The following AKR1C1 variants were observed in gnomAD, a reference collection of about 807,000 sequenced individuals.
AKR1C1 encodes 20 alpha-hydroxysteroid dehydrogenase.
Under a neutral mutation model 40.6 loss-of-function variants are expected in AKR1C1, and 32 were observed. That is an observed-to-expected ratio of 0.79 (90% CI 0.60 to 1.06). The LOEUF is 1.06. Ranked by LOEUF, AKR1C1 falls within the 50% of genes least tolerant of loss-of-function variation. The pLI is 0.00. For synonymous variants in AKR1C1, 105 were observed against 134.2 expected (o/e 0.78, Z 1.50); for missense variants, 320 against 363.5 (o/e 0.88, Z 0.97).
rs1335791050 is a variant in AKR1C1 at position 4,978,041 on chromosome 10, G to A, written c.*299G>A. The A allele has an allele frequency of 2.2e-5, 9 of 403,306 alleles. No homozygotes were observed. The highest frequency in any genetic ancestry group is 7.1e-5 in the South Asian group (2 of 28,160). The allele number at this position is 403,306 out of a possible 1,614,324, so 25.0% of individuals were successfully genotyped here. A position where few individuals can be genotyped will look rare whatever the true frequency, so the allele number is the denominator to read the frequency against. On this transcript the variant is annotated 3_prime_UTR_variant, in exon 9 of 9. Coordinates refer to ENST00000380872, the MANE Select transcript of AKR1C1 (RefSeq NM_001353.6). Reference sequence around the variant, plus strand: ...CCCCTAAATTGTGATTTGCCTATACGTTTAGGGCCGGGGTTGGAAGATGTT... The same window carrying A: ...CCCCTAAATTGTGATTTGCCTATACATTTAGGGCCGGGGTTGGAAGATGTT...
rs73602918 is a variant in AKR1C1, at chr10:4,982,862, G to A, written c.*5120G>A. 0.15 allele frequency: 62,164 copies of A among 411,660 alleles called. 5,777 individuals carry two copies. The highest frequency in any genetic ancestry group is 0.19 in the Non-Finnish European group (39,570 of 205,542). 25.5% of individuals were successfully genotyped at this position (411,660 alleles called of 1,614,324 possible). A position where few individuals can be genotyped will look rare whatever the true frequency, so the allele number is the denominator to read the frequency against. ...AGAAAATGCCTGCATGAGCTCAGCTGTTACCACTGCGTACCACACCCTGAC... is the reference window on the plus strand; with the variant it reads ...AGAAAATGCCTGCATGAGCTCAGCTATTACCACTGCGTACCACACCCTGAC... On this transcript the variant is annotated 3_prime_UTR_variant, in exon 9 of 9. Transcript: ENST00000380872.
At position 4,977,661 on chromosome 10, in the gene AKR1C1, AT is replaced by A. The variant is rs35578180; in HGVS notation, c.930-37del. 2.8e-3 allele frequency: 4,542 copies of A among 1,612,492 alleles called. 109 individuals carry two copies. The African/African-American group carries it at 0.054, about 19-fold the overall frequency. On this transcript the variant is annotated intron_variant, in intron 8 of 8. Transcript: ENST00000380872. The stretch of plus-strand genomic sequence containing the variant: ...TGCACTACCCGCTAGTAACGGAGTC[AT>A]TGCCATTCAGAGTGTGCATTTTTTT...
At chr10:4,968,528 A>T (rs1461998303) in intron 4 of AKR1C1, 142 bp downstream of exon 4, 5 of 1,539,752 alleles carry the variant, frequency 3.2e-6, no homozygotes, top group Middle Eastern at 1.7e-4. Context: ...GTGAGCAGTG[A>T]GGAAAAAGAA....
chr10:4,969,604 TG>T, intron 5 of AKR1C1: 1 of 1,565,508 alleles, frequency 6.4e-7, no homozygotes, highest in East Asian at 2.3e-5. Flanking sequence ...CCTAGTTGGC[TG>T]CTCTTCTTTG....
intron 6 of AKR1C1, 122 bp downstream of exon 6, chr10:4,972,432 C>A (rs1268442902): frequency 7.2e-7 from 1 of 1,379,630 alleles, no homozygotes; most frequent in African/African-American, 1.5e-5. Context: ...ATTTGCATTT[C>A]TGACGAGATC....
rs1222061999 is a variant in AKR1C1, at chr10:4,980,909, C to T, written c.*3167C>T. ...ATTTTCTTTTCCCAGGTTCTTCAGA[C>T]AAGTCACCATGGTAGCTGTAGACTT... On this transcript the variant is annotated 3_prime_UTR_variant, in exon 9 of 9. Coordinates refer to ENST00000380872, the MANE Select transcript of AKR1C1 (RefSeq NM_001353.6). The T allele has an allele frequency of 1.3e-5, 2 of 152,208 alleles. No homozygotes were observed. The highest frequency in any genetic ancestry group is 4.8e-5 in the African/African-American group (2 of 41,456). 9.4% of individuals were successfully genotyped at this position (152,208 alleles called of 1,614,324 possible).
chr10:4,977,894 G>T lies in AKR1C1; in HGVS notation c.*152G>T. 1 of 1,159,112 alleles carries T rather than the reference G, an allele frequency of 8.6e-7. No individual in the cohort carries two copies. Among genetic ancestry groups the T allele is most frequent in the Non-Finnish European group, 1.2e-6 (1 of 825,456 alleles). 71.8% of individuals were successfully genotyped at this position (1,159,112 alleles called of 1,614,324 possible). A position where few individuals can be genotyped will look rare whatever the true frequency, so the allele number is the denominator to read the frequency against. ...AAGCTACAGCAAAGCCCATTGGCCA[G>T]AAAGGAAAGACAATAATTTTGTTTT... On this transcript the variant is annotated 3_prime_UTR_variant, in exon 9 of 9. Transcript: ENST00000380872.
chr10:4,967,484 A>G (rs1836351076), intron 3 of AKR1C1: 2 of 987,836 alleles, frequency 2.0e-6, no homozygotes, highest in Non-Finnish European at 2.4e-6. Flanking sequence ...CTTAAACTAC[A>G]GACCTTCATG....
rs1836646349 is a variant in AKR1C1, at chr10:4,983,141, A to G, written c.*5399A>G. 3.8e-6 allele frequency: 1 copy of G among 265,074 alleles called. No homozygotes were observed. The highest frequency in any genetic ancestry group is 7.4e-6 in the Non-Finnish European group (1 of 134,514). 16.4% of individuals were successfully genotyped at this position (265,074 alleles called of 1,614,324 possible). ...AGGCACCCAGACAGATGCCCCATGG[A>G]CATCCTGAAGCAGAGCTGCCTCACT... On this transcript the variant is annotated 3_prime_UTR_variant, in exon 9 of 9. Transcript: ENST00000380872.
intron 5 of AKR1C1, among the ~76,000 whole-genome samples, chr10:4,971,904 G>C (rs1293903053): frequency 6.6e-6 from 1 of 150,916 alleles, no homozygotes; most frequent in Non-Finnish European, 1.5e-5. Context: ...GATGCCCAAG[G>C]CTCAAAGAAT....
rs1836630350 is a variant in AKR1C1, at chr10:4,982,291, T to C, written c.*4549T>C. On this transcript the variant is annotated 3_prime_UTR_variant, in exon 9 of 9. Transcript: ENST00000380872. The stretch of plus-strand genomic sequence containing the variant: ...AAGCCATCTAGTGGATGTTTGTGGC[T>C]TAACAAGCCCCTTCAATAAGTACTT... 1 of 152,180 alleles carries C rather than the reference T, an allele frequency of 6.6e-6. No individual in the cohort carries two copies. The highest frequency in any genetic ancestry group is 1.5e-5 in the Non-Finnish European group (1 of 68,106). 9.4% of individuals were successfully genotyped at this position (152,180 alleles called of 1,614,324 possible).
intron 1 of AKR1C1, 116 bp from the exon 2 acceptor site, chr10:4,965,798 T>C (rs761174896): frequency 6.7e-5 from 83 of 1,247,754 alleles, no homozygotes; most frequent in Non-Finnish European, 9.2e-5. Flanking sequence ...TGATTCTACA[T>C]ACAGAACTCA....
Position 4,972,618 on chromosome 10 carries a change from C to A in AKR1C1, c.715C>A (p.Pro239Thr), listed in dbSNP as rs1554769975. The A allele has an allele frequency of 6.2e-7, 1 of 1,613,798 alleles. No homozygotes were observed. Among genetic ancestry groups the A allele is most frequent in the East Asian group, 2.2e-5 (1 of 44,894 alleles). Residue 239 changes from proline to threonine, a missense_variant, in exon 7 of 9, where the codon CCA (proline) becomes ACA (threonine). By Grantham distance (38) the Pro-to-Thr change is conservative. This residue lies in a region of AKR1C1 where 77 missense variants were observed against 125.3 expected (regional missense o/e 0.61). Coordinates refer to ENST00000380872, the MANE Select transcript of AKR1C1 (RefSeq NM_001353.6). ...DPNSPVLLED[P>T]VLCALAKKHK... ...GAACTCCCCGGTGCTCTTGGAGGAC[C>A]CAGTCCTTTGTGCCTTGGCAAAAAA... is the stretch of plus-strand genomic sequence containing the variant.
At position 4,972,308 on chromosome 10, in the gene AKR1C1, A is replaced by G; in HGVS notation, c.678A>G (p.Pro226=). 1 of 1,613,418 alleles carries G rather than the reference A, an allele frequency of 6.2e-7. No homozygotes were observed. The highest frequency in any genetic ancestry group is 8.5e-7 in the Non-Finnish European group (1 of 1,179,916). Residue 226 remains proline (P), a splice_region_variant and synonymous_variant, in exon 6 of 9, where the codon CCA becomes CCG. Transcript: ENST00000380872. ...YSALGSHREE[P]WVDPNSPVLL... ...CTCTGGGATCCCACCGAGAAGAACCATGGTAATAAGAGATACAGGAAGTTT... is the reference window on the plus strand; with the variant it reads ...CTCTGGGATCCCACCGAGAAGAACCGTGGTAATAAGAGATACAGGAAGTTT...
chr10:4,966,556 A>G (rs1421671343), intron 2 of AKR1C1, among the ~76,000 whole-genome samples: 7 of 152,242 alleles, frequency 4.6e-5, no homozygotes, highest in African/African-American at 1.4e-4. Context: ...TTGCTTCCTC[A>G]GTTTCTAAAC....
chr10:4,968,751 C>T (rs575400240), intron 4 of AKR1C1, 71 bp from the exon 5 acceptor site: 8 of 1,609,324 alleles, frequency 5.0e-6, no homozygotes, highest in Non-Finnish European at 6.8e-6. Flanking sequence ...CATATCTAGA[C>T]AGTTGTTACT....
At chr10:4,977,465 G>A (rs1588565625) in intron 8 of AKR1C1, among the ~76,000 whole-genome samples, 1 of 152,272 alleles carries the variant, frequency 6.6e-6, no homozygotes, top group East Asian at 1.9e-4. Context: ...ATTTCACTTT[G>A]TGTGTTTTAT....
rs377745687 is a variant in AKR1C1, at chr10:4,968,293, A to T, written c.370-16A>T. The T allele has an allele frequency of 1.7e-4, 261 of 1,495,334 alleles. No homozygotes were observed. Among genetic ancestry groups the T allele is most frequent in the Middle Eastern group, 7.2e-4 (4 of 5,560 alleles). The allele number at this position is 1,495,334 out of a possible 1,614,324, so 92.6% of individuals were successfully genotyped here. A position where few individuals can be genotyped will look rare whatever the true frequency, so the allele number is the denominator to read the frequency against. On this transcript the variant is annotated splice_polypyrimidine_tract_variant and intron_variant, in intron 3 of 8. Transcript: ENST00000380872. Reference sequence around the variant, plus strand: ...ATTGACTTGTGACATCACTAAACTGACTGCTTCTACTTCAGCCAGGTGAGG... The same window carrying T: ...ATTGACTTGTGACATCACTAAACTGTCTGCTTCTACTTCAGCCAGGTGAGG...
At position 4,965,905 on chromosome 10, in the gene AKR1C1, C is replaced by G. The variant is rs760453509; in HGVS notation, c.85-9C>G. On this transcript the variant is annotated splice_polypyrimidine_tract_variant and intron_variant, in intron 1 of 8. Coordinates refer to ENST00000380872, the MANE Select transcript of AKR1C1 (RefSeq NM_001353.6). Reference sequence around the variant, plus strand: ...AGTCAGAAAATACTACCTATGGTTACTCCCCCAGGTTCCTAAAAGTAAAGC... The same window carrying G: ...AGTCAGAAAATACTACCTATGGTTAGTCCCCCAGGTTCCTAAAAGTAAAGC... The G allele has an allele frequency of 6.2e-7, 1 of 1,611,774 alleles. No individual in the cohort carries two copies. The highest frequency in any genetic ancestry group is 8.5e-7 in the Non-Finnish European group (1 of 1,179,180).
Sources: allele counts gnomAD v4.1 joint callset (sites outside exome capture counted in the v4.1 genomes callset), GRCh38; gene constraint gnomAD v4.1.1; regional missense constraint gnomAD v4.1.1; transcripts MANE v1.5; gene names NCBI Gene and HGNC (gene_info 2026-07-23, HGNC 2026-07-21).